TTC28: variants seen among roughly 807,000 people sequenced by gnomAD.
The protein encoded by TTC28 is tetratricopeptide repeat protein 28.
TTC28 carries 61 observed loss-of-function variants against 198.0 expected under a neutral mutation model. The observed-to-expected ratio is 0.31, with a 90% CI of 0.25 to 0.38. The LOEUF is 0.38. Ranked by LOEUF, TTC28 falls within the 10% of genes least tolerant of loss-of-function variation. TTC28 has a pLI of 1.00. For missense variants in TTC28, 2,678 were observed against 3,164.0 expected, an observed-to-expected ratio of 0.85 and a Z score of 3.69; for synonymous variants, 1,171 against 1,297.8, an observed-to-expected ratio of 0.90 and a Z score of 2.10.
chr22:28,491,221 A>C (rs2048372328), intron 2 of TTC28, among the ~76,000 whole-genome samples: 1 of 152,226 alleles, frequency 6.6e-6, no homozygotes, highest in African/African-American at 2.4e-5. Context: ...GGTTTAAAAC[A>C]CCAAAAGCAA....
intron 2 of TTC28, among the ~76,000 whole-genome samples, chr22:28,409,850 G>A (rs2047055391): frequency 1.3e-5 from 2 of 151,488 alleles, no homozygotes. Flanking sequence ...TAGAGATGGG[G>A]CTTCACCATG....
intron 12 of TTC28, among the ~76,000 whole-genome samples, chr22:28,083,002 T>C (rs909188098): frequency 6.6e-6 from 1 of 151,988 alleles, no homozygotes; most frequent in Non-Finnish European, 1.5e-5. Flanking sequence ...TTTACGGAAA[T>C]ATATTTCTAT....
chr22:28,512,911 G>C (rs1219411643), intron 2 of TTC28, among the ~76,000 whole-genome samples: 1 of 150,602 alleles, frequency 6.6e-6, no homozygotes, highest in Non-Finnish European at 1.5e-5. Flanking sequence ...GTGTACCCCT[G>C]AACTTCAAAT....
At chr22:28,032,766 C>G (rs1939186253) in intron 12 of TTC28, among the ~76,000 whole-genome samples, 1 of 152,108 alleles carries the variant, frequency 6.6e-6, no homozygotes, top group African/African-American at 2.4e-5. Flanking sequence ...CTCTAAGCTT[C>G]TCACAGACTC....
intron 2 of TTC28, among the ~76,000 whole-genome samples, chr22:28,426,452 T>C (rs1037798199): frequency 3.3e-5 from 5 of 152,148 alleles, no homozygotes; most frequent in Admixed American, 2.0e-4. Context: ...TCTATCTTTA[T>C]ATAGTTTAGT....
rs556788543 is a variant in TTC28, at chr22:28,544,148, G to A, written c.381+85404C>T. On this transcript the variant is annotated intron_variant, in intron 2 of 22. Coordinates refer to ENST00000397906, the MANE Select transcript of TTC28 (RefSeq NM_001145418.2). ...AGGCAGGAGAATCACTTGAACCTGGGAGGAGGTTGCAGTGAGTTGAGATCA... is the reference window on the plus strand; with the variant it reads ...AGGCAGGAGAATCACTTGAACCTGGAAGGAGGTTGCAGTGAGTTGAGATCA... Among the ~76,000 whole-genome samples the A allele has an allele frequency of 1.4e-3, 214 of 152,278 alleles. 1 individual carries two copies. The highest frequency in any genetic ancestry group is 2.4e-3 in the Admixed American group (37 of 15,300).
At chr22:28,642,045 C>G (rs75310195) in intron 1 of TTC28, among the ~76,000 whole-genome samples, 3,004 of 152,160 alleles carry the variant, frequency 0.02, 30 homozygotes, top group Non-Finnish European at 0.027. Flanking sequence ...CTATACATGA[C>G]ACACCATATC....
At chr22:28,654,905 T>A (rs952562526) in intron 1 of TTC28, among the ~76,000 whole-genome samples, 4 of 152,216 alleles carry the variant, frequency 2.6e-5, no homozygotes, top group African/African-American at 9.6e-5. Flanking sequence ...CAAACTGGAC[T>A]CAAATTCAAA....
At chr22:28,239,499 A>G (rs1929505225) in intron 5 of TTC28, among the ~76,000 whole-genome samples, 1 of 152,184 alleles carries the variant, frequency 6.6e-6, no homozygotes, top group Admixed American at 6.5e-5. Context: ...GCAACTACAG[A>G]CAGAATGAGC....
chr22:28,589,526 T>C (rs2050385086), intron 2 of TTC28, among the ~76,000 whole-genome samples: 2 of 152,216 alleles, frequency 1.3e-5, no homozygotes, highest in Admixed American at 1.3e-4. Context: ...TTCAGCCTTT[T>C]CCTGTCTATA....
Position 27,982,934 on chromosome 22 carries a change from C to A in TTC28, c.6733G>T (p.Val2245Leu). The change falls in exon 23 of 23, where the codon GTG (valine) becomes TTG (leucine). Residue 2245 changes from valine (V) to leucine (L), a missense_variant. Val to Leu is a conservative substitution (Grantham distance 32). This residue lies in a region of TTC28 where 622 missense variants were observed against 656.0 expected (regional missense o/e 0.95). Coordinates refer to ENST00000397906, the MANE Select transcript of TTC28 (RefSeq NM_001145418.2). This position sits in a 1 kb window ranked among gnomAD's most constrained non-coding sequence, Gnocchi z 5.2. ...GTGGGGCTGCTATATCCGGAACTCA[C>A]CTTGGGCAGGGAGGAGCTCCTGGCT... ...PPARSSSLPK[V>L]SSGYSSPTTS... 1 of 1,551,634 alleles carries A rather than the reference C, an allele frequency of 6.4e-7. No homozygotes were observed.
chr22:28,405,960 AACAGTACCTCTGCTGCTGCTATAC>A (rs1316165864), intron 2 of TTC28, among the ~76,000 whole-genome samples: 1 of 152,242 alleles, frequency 6.6e-6, no homozygotes, highest in African/African-American at 2.4e-5. Flanking sequence ...CTCCACAAAG[AACAGTACCTCTGCTGCTGCTATAC>A]ACTGTCACTT....
At chr22:28,431,835 G>A (rs879461189) in intron 2 of TTC28, among the ~76,000 whole-genome samples, 5 of 151,834 alleles carry the variant, frequency 3.3e-5, no homozygotes, top group East Asian at 1.9e-4. Flanking sequence ...AAAATGAGCC[G>A]GGCGTGGTGG....
At chr22:28,630,612 G>T (rs2059842209) in intron 1 of TTC28, among the ~76,000 whole-genome samples, 1 of 152,056 alleles carries the variant, frequency 6.6e-6, no homozygotes, top group African/African-American at 2.4e-5. Flanking sequence ...TGCTGCACCT[G>T]GCCAAATATT....
intron 5 of TTC28, among the ~76,000 whole-genome samples, chr22:28,273,524 G>C (rs1158327831): frequency 6.6e-6 from 1 of 151,718 alleles, no homozygotes; most frequent in East Asian, 1.9e-4. Context: ...CTGTGATCTA[G>C]AATATAGGAT....
intron 6 of TTC28, among the ~76,000 whole-genome samples, chr22:28,147,634 T>A (rs1943499777): frequency 6.6e-6 from 1 of 152,212 alleles, no homozygotes; most frequent in Non-Finnish European, 1.5e-5. Context: ...TACTATGAGA[T>A]CTTTGACAAG....
chr22:28,011,209 G>A (rs917369143), intron 14 of TTC28, among the ~76,000 whole-genome samples: 2 of 152,108 alleles, frequency 1.3e-5, no homozygotes, highest in Non-Finnish European at 2.9e-5. Flanking sequence ...CCTAACAGAA[G>A]GCCTACATGT....
chr22:28,396,256 T>C (rs2046813585), intron 2 of TTC28, among the ~76,000 whole-genome samples: 2 of 152,160 alleles, frequency 1.3e-5, no homozygotes, highest in Non-Finnish European at 2.9e-5. Context: ...ATTGCACTAG[T>C]TCAAAGAAAG....
intron 2 of TTC28, among the ~76,000 whole-genome samples, chr22:28,317,284 G>T (rs1316874452): frequency 6.6e-6 from 1 of 152,120 alleles, no homozygotes. Context: ...TTCCTTGTGA[G>T]TTGAGATTTC....
Sources: allele counts gnomAD v4.1 joint callset (sites outside exome capture counted in the v4.1 genomes callset), GRCh38; gene constraint gnomAD v4.1.1; regional missense constraint gnomAD v4.1.1; non-coding constraint Gnocchi (gnomAD v3.1); transcripts MANE v1.5; gene names NCBI Gene and HGNC (gene_info 2026-07-23, HGNC 2026-07-21).